ASIC2: variants seen among roughly 807,000 people sequenced by gnomAD.
The protein encoded by ASIC2 is acid-sensing ion channel 2.
ASIC2 carries 25 observed loss-of-function variants against 57.3 expected under a neutral mutation model. That is an observed-to-expected ratio of 0.44 (90% confidence interval 0.32 to 0.61). ASIC2 has a LOEUF of 0.61. Among genes scored for constraint, ASIC2 ranks in the 20% least tolerant of loss-of-function variants. The probability of loss-of-function intolerance (pLI) is 0.06; values close to 1 mark genes in which losing one functional copy is unlikely to be tolerated. For synonymous variants in ASIC2, 319 were observed against 307.5 expected (o/e 1.04, Z -0.39); for missense variants, 641 against 738.1 (o/e 0.87, Z 1.52).
At chr17:33,193,091 C>A (rs962984585) in intron 1 of ASIC2, among the ~76,000 whole-genome samples, 3 of 152,162 alleles carry the variant, frequency 2.0e-5, no homozygotes, top group African/African-American at 7.2e-5. Context: ...TTTGAAAGTC[C>A]TTTAATGGCA....
chr17:33,358,598 C>A (rs1336836490), intron 1 of ASIC2, among the ~76,000 whole-genome samples: 2 of 152,124 alleles, frequency 1.3e-5, no homozygotes, highest in Non-Finnish European at 2.9e-5. Flanking sequence ...ATGCTTTTTC[C>A]ATGACAATGA....
At chr17:33,291,368 G>A (rs896440209) in intron 1 of ASIC2, 40 bp downstream of exon 1, 1 of 1,558,256 alleles carries the variant, frequency 6.4e-7, no homozygotes, top group South Asian at 1.2e-5. Context: ...GCCGGGGAGT[G>A]GGGCGCAGAG....
intron 1 of ASIC2, among the ~76,000 whole-genome samples, chr17:33,304,619 C>T (rs1906094589): frequency 6.6e-6 from 1 of 152,178 alleles, no homozygotes; most frequent in Non-Finnish European, 1.5e-5. Flanking sequence ...TATGTTTCCT[C>T]CTGGCTTTTG....
intron 1 of ASIC2, among the ~76,000 whole-genome samples, chr17:33,116,489 T>C (rs2092281550): frequency 6.6e-6 from 1 of 152,210 alleles, no homozygotes; most frequent in Admixed American, 6.5e-5. Flanking sequence ...TCTGCTTTCC[T>C]GGTAAGTGCT....
At chr17:33,390,249 G>A (rs1567845412) in intron 1 of ASIC2, among the ~76,000 whole-genome samples, 1 of 151,902 alleles carries the variant, frequency 6.6e-6, no homozygotes, top group Admixed American at 6.6e-5. Context: ...GGAGCCGGAG[G>A]TTGCAGTGAG....
intron 3 of ASIC2, among the ~76,000 whole-genome samples, chr17:33,057,158 T>G (rs1400558995): frequency 6.6e-6 from 1 of 152,154 alleles, no homozygotes; most frequent in Non-Finnish European, 1.5e-5. Flanking sequence ...TTGTTAGAAA[T>G]GCAGATTCCT....
chr17:33,042,336 T>C (rs1454206405), intron 3 of ASIC2, among the ~76,000 whole-genome samples: 1 of 152,178 alleles, frequency 6.6e-6, no homozygotes, highest in East Asian at 1.9e-4. Flanking sequence ...CAAAAGTCAC[T>C]GTTAAGAGAT....
chr17:33,821,251 C>T (rs1011333445), intron 1 of ASIC2, among the ~76,000 whole-genome samples: 1 of 152,120 alleles, frequency 6.6e-6, no homozygotes, highest in African/African-American at 2.4e-5. Context: ...TCCGTTGTCC[C>T]ACCCCTCAAA....
At chr17:33,455,947 G>T (rs1229455451) in intron 1 of ASIC2, among the ~76,000 whole-genome samples, 1 of 152,182 alleles carries the variant, frequency 6.6e-6, no homozygotes, top group Non-Finnish European at 1.5e-5. Context: ...TCATTTTTAA[G>T]AGGAGCCAGG....
chr17:34,026,421 T>TG (rs1201927329), intron 1 of ASIC2, among the ~76,000 whole-genome samples: 1 of 152,152 alleles, frequency 6.6e-6, no homozygotes, highest in African/African-American at 2.4e-5. Context: ...TTGGAAATGA[T>TG]GGAGGAGAAA....
At chr17:33,633,673 AG>A (rs1257095200) in intron 1 of ASIC2, among the ~76,000 whole-genome samples, 5 of 152,192 alleles carry the variant, frequency 3.3e-5, no homozygotes, top group Non-Finnish European at 7.3e-5. Context: ...TTGTGCCCAG[AG>A]CACATACCCA....
intron 1 of ASIC2, among the ~76,000 whole-genome samples, chr17:33,147,603 G>A (rs1904613504): frequency 1.3e-5 from 2 of 152,094 alleles, no homozygotes; most frequent in African/African-American, 4.8e-5. Flanking sequence ...AGGGACTACG[G>A]TGCAGCAGCA....
chr17:33,131,413 A>G (rs1471520303), intron 1 of ASIC2, among the ~76,000 whole-genome samples: 1 of 152,054 alleles, frequency 6.6e-6, no homozygotes, highest in Non-Finnish European at 1.5e-5. Flanking sequence ...GTGTGTTCAT[A>G]TTGCTAGGAC....
At chr17:33,551,668 A>C (rs1482872682) in intron 1 of ASIC2, among the ~76,000 whole-genome samples, 1 of 152,120 alleles carries the variant, frequency 6.6e-6, no homozygotes, top group Admixed American at 6.5e-5. Flanking sequence ...TCTCTCCAAA[A>C]ACTTCACTGT....
At position 33,746,426 on chromosome 17, in the gene ASIC2, A is replaced by T. The variant is rs1407860762; in HGVS notation, c.555+409552T>A. ...CATGTATGTATATCTGTAGATACGT[A>T]TATGAATATGTATATATGTGTATAT... On this transcript the variant is annotated intron_variant, in intron 1 of 9. Transcript: ENST00000359872. Among the ~76,000 whole-genome samples, 3 of 124,724 alleles carry T rather than the reference A, an allele frequency of 2.4e-5. No individual in the cohort carries two copies. The Admixed American group carries it at 2.5e-4, about 10-fold the overall frequency. The allele number at this position is 124,724 out of a possible 152,430, so 81.8% of individuals were successfully genotyped here.
intron 1 of ASIC2, among the ~76,000 whole-genome samples, chr17:33,128,370 T>C (rs2092332600): frequency 6.6e-6 from 1 of 152,246 alleles, no homozygotes; most frequent in Admixed American, 6.5e-5. Flanking sequence ...AGCTGATTGA[T>C]GCTTGTCTCT....
At chr17:34,091,211 T>G (rs1910318368) in intron 1 of ASIC2, among the ~76,000 whole-genome samples, 1 of 152,226 alleles carries the variant, frequency 6.6e-6, no homozygotes, top group Admixed American at 6.5e-5. Context: ...TGAGATAAAG[T>G]CTCAACCTCT....
At chr17:33,401,281 T>C (rs1464800803) in intron 1 of ASIC2, among the ~76,000 whole-genome samples, 1 of 152,234 alleles carries the variant, frequency 6.6e-6, no homozygotes, top group Non-Finnish European at 1.5e-5. Flanking sequence ...GCACTACCAA[T>C]GTGTGCTTCG....
chr17:33,061,300 G>T (rs1327507918), intron 3 of ASIC2, among the ~76,000 whole-genome samples: 1 of 152,160 alleles, frequency 6.6e-6, no homozygotes, highest in African/African-American at 2.4e-5. Context: ...CTGTGGGTTT[G>T]TCATAGATAG....
Sources: allele counts gnomAD v4.1 joint callset (sites outside exome capture counted in the v4.1 genomes callset), GRCh38; gene constraint gnomAD v4.1.1; transcripts MANE v1.5; gene names NCBI Gene and HGNC (gene_info 2026-07-23, HGNC 2026-07-21).